Variants in SH3RF2 observed in about 807,000 individuals in gnomAD.
SH3RF2 encodes SH3 domain containing ring finger 2.
Under a neutral mutation model 59.0 loss-of-function variants are expected in SH3RF2, and 43 were observed. The ratio of observed to expected loss-of-function variants is 0.73; its 90% confidence interval spans 0.57 to 0.94. SH3RF2 has a LOEUF of 0.94. SH3RF2 is among the 40% of genes least tolerant of loss of function. The pLI, the probability that SH3RF2 is intolerant of heterozygous loss-of-function variation, is 0.00. For synonymous variants in SH3RF2, 391 were observed against 391.5 expected (o/e 1.00, Z 0.01); for missense variants, 930 against 940.1 (o/e 0.99, Z 0.14).
At chr5:146,075,713 A>T (rs1430358974) in intron 9 of SH3RF2, among the ~76,000 whole-genome samples, 1 of 135,582 alleles carries the variant, frequency 7.4e-6, no homozygotes, top group Non-Finnish European at 1.5e-5. Context: ...CGGGAGGCGG[A>T]GGTTGCAGTG....
At chr5:145,997,653 G>A in intron 2 of SH3RF2, 1 of 1,572,042 alleles carries the variant, frequency 6.4e-7, no homozygotes, top group Non-Finnish European at 8.7e-7. Context: ...ATGAGCAACT[G>A]TTTGCTACCC....
In SH3RF2 at chr5:146,004,291, G is replaced by T. The variant is rs190796737; in HGVS notation, c.744+138G>T. The T allele has an allele frequency of 4.5e-4, 247 of 545,062 alleles. 2 individuals are homozygous for T. Among genetic ancestry groups the T allele is most frequent in the African/African-American group, 4.4e-3 (227 of 51,336 alleles). 33.8% of individuals were successfully genotyped at this position (545,062 alleles called of 1,614,324 possible). A position where few individuals can be genotyped will look rare whatever the true frequency, so the allele number is the denominator to read the frequency against. The stretch of plus-strand genomic sequence containing the variant: ...TAAAATCTCTAAAGAAAAGATGCCA[G>T]ACAATAATACCCAATTCTGGCAAGA... On this transcript the variant is annotated intron_variant, in intron 4 of 9. Transcript: ENST00000359120.
intron 5 of SH3RF2, among the ~76,000 whole-genome samples, chr5:146,042,259 C>T (rs138982913): frequency 6.6e-6 from 1 of 152,322 alleles, no homozygotes; most frequent in East Asian, 1.9e-4. Context: ...TTCTTGGGTC[C>T]TGCTCTCAGT....
At chr5:145,942,507 G>A (rs1320508420) in intron 2 of SH3RF2, among the ~76,000 whole-genome samples, 1 of 152,184 alleles carries the variant, frequency 6.6e-6, no homozygotes, top group African/African-American at 2.4e-5. Flanking sequence ...AGGGAATGAG[G>A]CTGGGTAGAA....
chr5:146,063,868 A>G (rs1762981754), downstream of SH3RF2, among the ~76,000 whole-genome samples: 1 of 150,660 alleles, frequency 6.6e-6, no homozygotes, highest in Non-Finnish European at 1.5e-5. Flanking sequence ...TAAAAAAAGA[A>G]AAAAGAAAAA....
chr5:146,057,484 C>G (rs1762711959), intron 8 of SH3RF2, among the ~76,000 whole-genome samples: 1 of 152,204 alleles, frequency 6.6e-6, no homozygotes, highest in Non-Finnish European at 1.5e-5. Flanking sequence ...TCAGGGTTAA[C>G]TTAATAAAAC....
chr5:146,081,254 T>A (rs1763421272), exon 10 of SH3RF2: 1 of 152,228 alleles, frequency 6.6e-6, no homozygotes, highest in African/African-American at 2.4e-5. Flanking sequence ...TACTGGATAA[T>A]GTTTCTCCTG....
chr5:146,004,540 T>A (rs1760558222), intron 4 of SH3RF2, among the ~76,000 whole-genome samples: 1 of 152,200 alleles, frequency 6.6e-6, no homozygotes, highest in Non-Finnish European at 1.5e-5. Context: ...TAGGCGATGG[T>A]ATATAATTAT....
chr5:146,015,390 T>A (rs1761065097), intron 5 of SH3RF2, among the ~76,000 whole-genome samples: 1 of 152,156 alleles, frequency 6.6e-6, no homozygotes, highest in African/African-American at 2.4e-5. Context: ...ACTTTCTACA[T>A]ACACACTGCA....
rs1474446030 is a variant in SH3RF2, at chr5:146,000,250, C to T, written c.571C>T (p.Leu191Phe). The T allele has an allele frequency of 1.5e-5, 24 of 1,613,916 alleles. No homozygotes were observed. The highest frequency in any genetic ancestry group is 1.7e-5 in the Non-Finnish European group (20 of 1,179,984). The change falls in exon 3 of 10, where the codon CTC becomes TTC. Residue 191 changes from leucine (L) to phenylalanine (F), a missense_variant. Coordinates refer to ENST00000359120, the MANE Select transcript of SH3RF2 (RefSeq NM_152550.4). ...CAAGCAGCTGCCCCAGCCGCCCCCG[C>T]TCTGCAGGGCCCTCTACAACTTCGA... ...VIKQLPQPPP[L>F]CRALYNFDLR...
intron 2 of SH3RF2, among the ~76,000 whole-genome samples, chr5:145,963,433 C>A (rs905479010): frequency 1.1e-4 from 17 of 152,144 alleles, no homozygotes; most frequent in African/African-American, 3.4e-4. Flanking sequence ...GAGACTCCAC[C>A]TCATTTTATT....
At chr5:145,986,057 G>A (rs11950659) in intron 2 of SH3RF2, among the ~76,000 whole-genome samples, 6 of 149,948 alleles carry the variant, frequency 4.0e-5, no homozygotes, top group East Asian at 4.1e-4. Context: ...GTCTGTTATC[G>A]TTAGAGTTGG....
At chr5:145,964,434 G>A (rs1224378848) in intron 2 of SH3RF2, among the ~76,000 whole-genome samples, 1 of 151,314 alleles carries the variant, frequency 6.6e-6, no homozygotes, top group East Asian at 2.0e-4. Context: ...AGGCTCCCAA[G>A]TAGCTGAGAT....
In SH3RF2 at chr5:146,062,458, C is replaced by A. The variant is rs766942836; in HGVS notation, c.1947C>A (p.Ser649Arg). 120 of 1,614,002 alleles carry A rather than the reference C, an allele frequency of 7.4e-5. No individual in the cohort carries two copies. Among genetic ancestry groups the A allele is most frequent in the Non-Finnish European group, 1.0e-4 (120 of 1,180,030 alleles). ...AAACCGTGAGATTTCAGAATTACAG[C>A]CCTCCTCCCACCAAACATTACACCT... ...QVKTVRFQNY[S>R]PPPTKHYTSH... Residue 649 changes from serine (S) to arginine (R), a missense_variant, in exon 10 of 10, where the codon AGC becomes AGA. Ser to Arg is a moderately radical substitution (Grantham distance 110, BLOSUM62 -1). Transcript: ENST00000359120.
intron 5 of SH3RF2, among the ~76,000 whole-genome samples, chr5:146,044,692 C>T (rs1332607927): frequency 2.0e-5 from 3 of 152,238 alleles, no homozygotes; most frequent in Admixed American, 6.5e-5. Flanking sequence ...CGTTCTCCCA[C>T]AGTATCTCTG....
At chr5:146,040,206 G>GT (rs1270586703) in intron 5 of SH3RF2, among the ~76,000 whole-genome samples, 4 of 152,114 alleles carry the variant, frequency 2.6e-5, no homozygotes, top group Non-Finnish European at 5.9e-5. Context: ...TATTTTTATT[G>GT]TATTTCTTAA....
chr5:145,937,561 GCAGGCCAGTTTATCTC>G (rs956343957), intron 1 of SH3RF2, among the ~76,000 whole-genome samples: 7 of 152,156 alleles, frequency 4.6e-5, no homozygotes, highest in African/African-American at 1.7e-4. Context: ...GGCCACTTCA[GCAGGCCAGTTTATCTC>G]CCTGCTTTCC....
At chr5:145,970,272 C>T (rs113997436) in intron 2 of SH3RF2, among the ~76,000 whole-genome samples, 3,809 of 152,048 alleles carry the variant, frequency 0.025, 167 homozygotes, top group Admixed American at 0.1. Context: ...TTCACCTCCC[C>T]CTGCCACCCT....
chr5:146,010,328 A>G (rs756013237), intron 4 of SH3RF2, among the ~76,000 whole-genome samples: 2 of 152,176 alleles, frequency 1.3e-5, no homozygotes, highest in Non-Finnish European at 2.9e-5. Flanking sequence ...GAATAGTGCC[A>G]CAATAAACAT....
Sources: gnomAD v4.1 joint callset for allele counts (sites outside exome capture counted in the v4.1 genomes callset) on GRCh38, gnomAD v4.1.1 for gene constraint, MANE v1.5 for transcripts, NCBI Gene and HGNC (gene_info 2026-07-23, HGNC 2026-07-21) for gene names.